FAAH2: variants seen among roughly 807,000 people sequenced by gnomAD.
The protein encoded by FAAH2 is fatty-acid amide hydrolase 2.
In FAAH2, 60 loss-of-function variants were observed where a neutral mutation model predicts 36.9. The ratio of observed to expected loss-of-function variants is 1.63; its 90% CI spans 1.32 to 2.02. The LOEUF (loss-of-function observed/expected upper bound fraction) is 2.02, where lower values mean the gene tolerates loss of function less well. Among genes scored for constraint, FAAH2 ranks in the 30% most tolerant of loss-of-function variants. The pLI is 0.00. For missense variants in FAAH2, 689 were observed against 397.5 expected, an observed-to-expected ratio of 1.73 and a Z score of -6.23; for synonymous variants, 214 against 143.8, an observed-to-expected ratio of 1.49 and a Z score of -3.49.
chrX:57,267,202 A>G, the FAAH2 span, among the ~76,000 whole-genome samples: 1 of 112,315 alleles, frequency 8.9e-6, no homozygotes, highest in African/African-American at 3.2e-5. Context: ...CAAATCCCCA[A>G]GTCGTTTTTC....
the FAAH2 span, among the ~76,000 whole-genome samples, chrX:57,185,192 A>AT: frequency 5.3e-4 from 59 of 110,594 alleles, no homozygotes; most frequent in Non-Finnish European, 1.0e-3. Flanking sequence ...TTTCTGGCTA[A>AT]TTTTTTATTA....
chrX:57,488,946 A>C lies in FAAH2; in HGVS notation c.*14A>C. The C allele has an allele frequency of 8.3e-7, 1 of 1,205,194 alleles. No individual in the cohort carries two copies. The highest frequency in any genetic ancestry group is 1.1e-6 in the Non-Finnish European group (1 of 892,532). Reference sequence around the variant, plus strand: ...GGAAAGTTTTAGGAGGACCTTCTGCAAGGTTAATGTGTGTGTGTGTTTGTG... The same window carrying C: ...GGAAAGTTTTAGGAGGACCTTCTGCCAGGTTAATGTGTGTGTGTGTTTGTG... On this transcript the variant is annotated 3_prime_UTR_variant, in exon 11 of 11. Coordinates refer to ENST00000374900, the MANE Select transcript of FAAH2 (RefSeq NM_174912.4).
At chrX:57,270,959 A>G in the FAAH2 span, among the ~76,000 whole-genome samples, 3 of 112,163 alleles carry the variant, frequency 2.7e-5, no homozygotes, top group East Asian at 8.5e-4. Context: ...CCAGTGGTGC[A>G]TAGAATGCCA....
chrX:57,451,807 T>C (rs2056788332), intron 10 of FAAH2, among the ~76,000 whole-genome samples: 2 of 112,116 alleles, frequency 1.8e-5, no homozygotes, highest in African/African-American at 6.5e-5. Context: ...AAAATTTATT[T>C]GTCTTGGCAC....
intron 3 of FAAH2, among the ~76,000 whole-genome samples, chrX:57,319,308 G>A (rs1006776786): frequency 6.2e-5 from 7 of 112,017 alleles, no homozygotes; most frequent in Non-Finnish European, 1.1e-4. Flanking sequence ...AAGCTGATAA[G>A]CAACTTCAGC....
the FAAH2 span, among the ~76,000 whole-genome samples, chrX:57,225,258 T>A: frequency 2.7e-5 from 3 of 111,657 alleles, no homozygotes; most frequent in Non-Finnish European, 3.8e-5. Flanking sequence ...TTTTTCAGAC[T>A]TTTTGTTGTA....
upstream of FAAH2, among the ~76,000 whole-genome samples, chrX:57,285,718 A>C (rs1485979325): frequency 8.9e-6 from 1 of 111,916 alleles, no homozygotes; most frequent in Admixed American, 9.5e-5. Flanking sequence ...GGGGTTAGGG[A>C]TGAAGCATAG....
chrX:57,446,722 A>C (rs990999983), intron 8 of FAAH2, among the ~76,000 whole-genome samples: 2 of 111,477 alleles, frequency 1.8e-5, no homozygotes, highest in African/African-American at 6.5e-5. Flanking sequence ...CAATATTTCA[A>C]GTTTTATCTA....
At chrX:57,172,192 A>G in the FAAH2 span, among the ~76,000 whole-genome samples, 5 of 111,939 alleles carry the variant, frequency 4.5e-5, no homozygotes, top group African/African-American at 1.3e-4. Context: ...TGTGATACCT[A>G]TAGCTTCGTT....
At position 57,383,704 on chromosome X, in the gene FAAH2, C is replaced by T. The variant is rs372409877; in HGVS notation, c.996+2675C>T. 2.7e-5 allele frequency among the ~76,000 whole-genome samples: 3 copies of T among 111,945 alleles called. No homozygotes were observed. The East Asian group carries it at 8.4e-4, about 31-fold the overall frequency. On this transcript the variant is annotated intron_variant, in intron 7 of 10. Coordinates refer to ENST00000374900, the MANE Select transcript of FAAH2 (RefSeq NM_174912.4). ...CAAACAACTGGAAGAACATTCCATG[C>T]TCATGGATAGGAAAAATCAATATCA... is the stretch of plus-strand genomic sequence containing the variant.
intron 10 of FAAH2, among the ~76,000 whole-genome samples, chrX:57,450,494 C>T (rs181055957): frequency 1.3e-3 from 142 of 111,600 alleles, no homozygotes; most frequent in East Asian, 2.2e-3. Flanking sequence ...GTTAATAATG[C>T]TCATTCATGT....
intron 7 of FAAH2, among the ~76,000 whole-genome samples, chrX:57,410,403 C>T (rs180842133): frequency 1.0e-3 from 116 of 111,090 alleles, no homozygotes; most frequent in African/African-American, 3.8e-3. Context: ...AGTTTAAGTC[C>T]AGTATTTCCT....
At chrX:57,424,582 C>G (rs2056115392) in intron 7 of FAAH2, among the ~76,000 whole-genome samples, 1 of 111,711 alleles carries the variant, frequency 9.0e-6, no homozygotes, top group Admixed American at 9.5e-5. Context: ...CAGTACACTG[C>G]TACTACAACC....
the FAAH2 span, among the ~76,000 whole-genome samples, chrX:57,254,658 T>G: frequency 9.0e-6 from 1 of 111,262 alleles, no homozygotes. Flanking sequence ...ACTGAAAAAT[T>G]TGCTCCTGAA....
chrX:57,207,798 G>A, the FAAH2 span, among the ~76,000 whole-genome samples: 2 of 112,458 alleles, frequency 1.8e-5, no homozygotes, highest in Non-Finnish European at 3.8e-5. Flanking sequence ...GGAACTTTTT[G>A]CGGGGATTCC....
chrX:57,172,714 G>A, the FAAH2 span, among the ~76,000 whole-genome samples: 1 of 111,706 alleles, frequency 9.0e-6, no homozygotes, highest in Non-Finnish European at 1.9e-5. Context: ...CTAGAGTCAG[G>A]CCAGTCAGTG....
At chrX:57,263,478 C>A in the FAAH2 span, among the ~76,000 whole-genome samples, 1 of 111,766 alleles carries the variant, frequency 8.9e-6, no homozygotes, top group East Asian at 2.8e-4. Context: ...ATGCCACATT[C>A]ACGATTGGAA....
intron 7 of FAAH2, among the ~76,000 whole-genome samples, chrX:57,427,935 C>T (rs2056202278): frequency 9.0e-6 from 1 of 111,424 alleles, no homozygotes; most frequent in South Asian, 3.7e-4. Flanking sequence ...AATAAAAGCC[C>T]TCTGAATTTA....
the FAAH2 span, among the ~76,000 whole-genome samples, chrX:57,224,453 T>A: frequency 9.0e-6 from 1 of 111,216 alleles, no homozygotes; most frequent in Non-Finnish European, 1.9e-5. Context: ...AATGTAAGAT[T>A]CTCCCGGGGC....
Sources: allele counts gnomAD v4.1 joint callset (sites outside exome capture counted in the v4.1 genomes callset), GRCh38; gene constraint gnomAD v4.1.1; transcripts MANE v1.5; gene names NCBI Gene and HGNC (gene_info 2026-07-23, HGNC 2026-07-21).